YIPF7: variants seen among roughly 807,000 people sequenced by gnomAD.
The protein encoded by YIPF7 is protein YIPF7.
YIPF7 carries 35 observed loss-of-function variants against 27.2 expected under a neutral mutation model. That is an observed-to-expected ratio of 1.29 (90% CI 0.98 to 1.70). The LOEUF (loss-of-function observed/expected upper bound fraction) is 1.70. YIPF7 is among the 40% of genes most tolerant of loss of function. YIPF7 has a pLI of 0.00. For synonymous variants in YIPF7, 137 were observed against 110.4 expected, an observed-to-expected ratio of 1.24 and a Z score of -1.51; for missense variants, 358 against 303.7, an observed-to-expected ratio of 1.18 and a Z score of -1.33.
At chr4:44,642,675 C>A (rs1713372267) in intron 2 of YIPF7, among the ~76,000 whole-genome samples, 1 of 152,160 alleles carries the variant, frequency 6.6e-6, no homozygotes, top group South Asian at 2.1e-4. Flanking sequence ...GGTTTACCAC[C>A]ATCCCCCTAG....
rs1713379246 is a variant in YIPF7 at position 44,642,831 on chromosome 4, A to G, written c.117-6746T>C. Among the ~76,000 whole-genome samples the G allele has an allele frequency of 2.0e-5, 3 of 152,192 alleles. No homozygotes were observed. The South Asian group carries it at 6.2e-4, about 31-fold the overall frequency. On this transcript the variant is annotated intron_variant, in intron 2 of 5. Coordinates refer to ENST00000415895, the MANE Select transcript of YIPF7 (RefSeq NM_182592.3). ...AGTAAAAGCTCCCTGTGACCTCCCC[A>G]GGAGCAGCTGTCGCCATGCTTCCTG...
intron 1 of YIPF7, 148 bp downstream of exon 1, chr4:44,651,406 A>G: frequency 2.3e-6 from 1 of 436,346 alleles, no homozygotes. Flanking sequence ...GGTATTATAA[A>G]GCATAGAGAG....
At chr4:44,627,426 A>G (rs1278317355) in intron 4 of YIPF7, among the ~76,000 whole-genome samples, 1 of 152,140 alleles carries the variant, frequency 6.6e-6, no homozygotes, top group Admixed American at 6.5e-5. Context: ...GCAGATTTGG[A>G]TATTGATTCT....
rs755755179 is a variant in YIPF7, at chr4:44,659,259, CACACATGGCTTCAAAGTCAG to C, written c.-2+1170_-2+1189del. ...AACTTAAGCTTGCCCTTACAATATG[CACACATGGCTTCAAAGTCAG>C]AGTCAGGGAAAAGATGAAATGTAAA... On this transcript the variant is annotated intron_variant, in intron 2 of 2. Transcript: ENST00000508947. Among the ~76,000 whole-genome samples the C allele has an allele frequency of 2.5e-3, 377 of 152,204 alleles. 1 individual carries two copies. The highest frequency in any genetic ancestry group is 3.9e-3 in the Non-Finnish European group (267 of 68,002).
chr4:44,653,406 G>A (rs1397012630), upstream of YIPF7, among the ~76,000 whole-genome samples: 5 of 152,116 alleles, frequency 3.3e-5, no homozygotes, highest in Non-Finnish European at 5.9e-5. Context: ...GGCATGAGAT[G>A]TGAGTGGCCT....
At chr4:44,637,413 T>G (rs1713164826) in intron 2 of YIPF7, among the ~76,000 whole-genome samples, 1 of 152,200 alleles carries the variant, frequency 6.6e-6, no homozygotes, top group African/African-American at 2.4e-5. Flanking sequence ...ATCTGTTACT[T>G]TTTGTCATTT....
intron 2 of YIPF7, among the ~76,000 whole-genome samples, chr4:44,659,066 G>A (rs1389877410): frequency 6.6e-6 from 1 of 152,128 alleles, no homozygotes; most frequent in Admixed American, 6.5e-5. Context: ...TACTCTCCCT[G>A]TTTGCCTGGG....
At chr4:44,624,371 G>T (rs1712549168) in intron 5 of YIPF7, among the ~76,000 whole-genome samples, 1 of 152,068 alleles carries the variant, frequency 6.6e-6, no homozygotes, top group South Asian at 2.1e-4. Flanking sequence ...GCCAAAAAGT[G>T]TCAGTTTTAA....
At chr4:44,650,499 G>A (rs923305865) in intron 1 of YIPF7, among the ~76,000 whole-genome samples, 4 of 54,780 alleles carry the variant, frequency 7.3e-5, no homozygotes, top group South Asian at 1.3e-3. Context: ...ACACATGCGC[G>A]CGCGCGCGCA....
intron 5 of YIPF7, among the ~76,000 whole-genome samples, chr4:44,623,507 G>A (rs1712515800): frequency 6.6e-6 from 1 of 152,140 alleles, no homozygotes; most frequent in Admixed American, 6.5e-5. Flanking sequence ...TGGGAATTAT[G>A]TTTATTATTT....
At chr4:44,623,702 A>G (rs1712520745) in intron 5 of YIPF7, among the ~76,000 whole-genome samples, 1 of 152,220 alleles carries the variant, frequency 6.6e-6, no homozygotes, top group African/African-American at 2.4e-5. Context: ...GAGTTGTTTA[A>G]TGTACTGTAT....
chr4:44,645,127 A>T (rs1713482132), intron 2 of YIPF7, among the ~76,000 whole-genome samples: 1 of 152,144 alleles, frequency 6.6e-6, no homozygotes, highest in African/African-American at 2.4e-5. Context: ...CAGTCTCGAG[A>T]ATTTCTTCAT....
intron 2 of YIPF7, among the ~76,000 whole-genome samples, chr4:44,640,674 C>G (rs1212343966): frequency 6.6e-6 from 1 of 152,136 alleles, no homozygotes; most frequent in Non-Finnish European, 1.5e-5. Context: ...GCTCATGGCC[C>G]ATAGGAGTCT....
intron 1 of YIPF7, 146 bp from the exon 2 acceptor site, chr4:44,650,247 G>T: frequency 1.5e-6 from 1 of 665,362 alleles, no homozygotes; most frequent in Non-Finnish European, 2.7e-6. Flanking sequence ...ATAAAGTATT[G>T]GGGGAAGGGT....
At chr4:44,632,378 C>T (rs1285427398) in intron 3 of YIPF7, among the ~76,000 whole-genome samples, 1 of 152,128 alleles carries the variant, frequency 6.6e-6, no homozygotes, top group Non-Finnish European at 1.5e-5. Flanking sequence ...GTGGCATTGG[C>T]CTTTCATATG....
At chr4:44,628,531 T>C (rs1898864) in intron 4 of YIPF7, among the ~76,000 whole-genome samples, 60,536 of 151,936 alleles carry the variant, frequency 0.4, 12,349 homozygotes, top group East Asian at 0.55. Context: ...CTCTGCCTGG[T>C]TTATCTCTTT....
chr4:44,625,761 C>G (rs1577732006), intron 4 of YIPF7, among the ~76,000 whole-genome samples: 1 of 152,190 alleles, frequency 6.6e-6, no homozygotes, highest in African/African-American at 2.4e-5. Flanking sequence ...CTATTACTTA[C>G]AGCGTACCAT....
chr4:44,629,512 GT>G lies in YIPF7; in HGVS notation c.316del (p.Thr106LeufsTer2), dbSNP rs760315752. On this transcript the variant is annotated frameshift_variant, in exon 4 of 6. Transcript: ENST00000415895. LOFTEE classifies it high-confidence loss of function. ...CTTCATTGGGTTTAACACTGTCAAA[GT>G]TTTTTGCCATATGTGATCAAAATGG... ...GIHFDHIWQK[T>X]LTVLNPMKPV... 5 of 1,569,416 alleles carry G rather than the reference GT, an allele frequency of 3.2e-6. No homozygotes were observed. Among genetic ancestry groups the G allele is most frequent in the South Asian group, 2.4e-5 (2 of 84,344 alleles).
At chr4:44,647,411 GA>G (rs1396289670) in intron 2 of YIPF7, among the ~76,000 whole-genome samples, 1 of 152,036 alleles carries the variant, frequency 6.6e-6, no homozygotes, top group Non-Finnish European at 1.5e-5. Context: ...ATCTTATCTG[GA>G]AAAGAGGGTT....
Sources: gnomAD v4.1 joint callset for allele counts (sites outside exome capture counted in the v4.1 genomes callset) on GRCh38, gnomAD v4.1.1 for gene constraint, MANE v1.5 for transcripts, NCBI Gene and HGNC (gene_info 2026-07-23, HGNC 2026-07-21) for gene names.